Variants in MYLK observed in about 807,000 individuals in gnomAD.
The protein encoded by MYLK is myosin light chain kinase, also known as myosin light chain kinase, smooth muscle.
MYLK carries 106 observed loss-of-function variants against 203.4 expected under a neutral mutation model. That is an observed-to-expected ratio of 0.52 (90% CI 0.45 to 0.61). MYLK has a LOEUF of 0.61. Among genes scored for constraint, MYLK ranks in the 20% least tolerant of loss-of-function variants. The pLI is 0.00. For synonymous variants in MYLK, 867 were observed against 959.5 expected, an observed-to-expected ratio of 0.90 and a Z score of 1.78; for missense variants, 2,072 against 2,442.3, an observed-to-expected ratio of 0.85 and a Z score of 3.20.
chr3:123,809,849 G>C (rs990632416), intron 3 of MYLK, among the ~76,000 whole-genome samples: 1 of 152,142 alleles, frequency 6.6e-6, no homozygotes, highest in East Asian at 1.9e-4. Context: ...AGCCCTCTCA[G>C]CAAGGAAATT....
chr3:123,725,815 G>C, intron 12 of MYLK, 129 bp downstream of exon 12: 4 of 1,384,352 alleles, frequency 2.9e-6, no homozygotes, highest in Non-Finnish European at 4.0e-6. Context: ...CTCTCTTTGT[G>C]CCCTGTGCTT....
Position 123,611,926 on chromosome 3 carries a change from T to C in MYLK, c.*2179A>G. The stretch of plus-strand genomic sequence containing the variant: ...ACAGGAGGCAGAGCTCAGGCGGTAA[T>C]GCGAGCAATGGGGATCGGCTGTAAA... On this transcript the variant is annotated 3_prime_UTR_variant, in exon 34 of 34. Transcript: ENST00000360304. 6.6e-6 allele frequency: 1 copy of C among 152,510 alleles called. No homozygotes were observed. Among genetic ancestry groups the C allele is most frequent in the African/African-American group, 2.4e-5 (1 of 41,434 alleles). The allele number at this position is 152,510 out of a possible 1,614,324, so 9.4% of individuals were successfully genotyped here. A position where few individuals can be genotyped will look rare whatever the true frequency, so the allele number is the denominator to read the frequency against.
chr3:123,729,353 C>G (rs1253719351), intron 11 of MYLK, among the ~76,000 whole-genome samples: 1 of 152,172 alleles, frequency 6.6e-6, no homozygotes, highest in Non-Finnish European at 1.5e-5. Flanking sequence ...CCGCACATGA[C>G]AAATAATCCA....
intron 20 of MYLK, among the ~76,000 whole-genome samples, chr3:123,677,470 G>A (rs2060107059): frequency 6.6e-6 from 1 of 152,164 alleles, no homozygotes; most frequent in African/African-American, 2.4e-5. Context: ...GAGTCCGACA[G>A]GAGTATTTCT....
intron 4 of MYLK, among the ~76,000 whole-genome samples, chr3:123,792,079 C>T (rs2064803003): frequency 6.6e-6 from 1 of 152,200 alleles, no homozygotes; most frequent in East Asian, 1.9e-4. Context: ...GGCCAGTGCT[C>T]AGCAGATGCA....
At position 123,629,484 on chromosome 3, in the gene MYLK, T is replaced by C. The variant is rs764572695; in HGVS notation, c.5104A>G (p.Lys1702Glu). The C allele has an allele frequency of 6.2e-7, 1 of 1,614,162 alleles. No homozygotes were observed. The highest frequency in any genetic ancestry group is 1.1e-5 in the South Asian group (1 of 91,072). Residue 1702 changes from lysine to glutamate, a missense_variant, in exon 30 of 34, where the codon AAA (lysine) becomes GAA (glutamate). Physicochemically the swap from Lys to Glu is moderately conservative, Grantham distance 56. Around this residue, in one of 3 missense-constraint regions of MYLK, gnomAD observed 524 missense variants for 782.4 expected, o/e 0.67. Coordinates refer to ENST00000360304, the MANE Select transcript of MYLK (RefSeq NM_053025.4). The surrounding 1 kb of genome is among the most constrained non-coding windows in gnomAD (Gnocchi z 4.4). ...ATCCCAACTCATTACTTCATATCTT[T>C]CTTCAGCAGATTGCTGATGAAATCC... ...AKDFISNLLK[K>E]DMKNRLDCTQ...
intron 5 of MYLK, among the ~76,000 whole-genome samples, chr3:123,740,845 G>C (rs1238324973): frequency 6.6e-6 from 1 of 152,252 alleles, no homozygotes; most frequent in Admixed American, 6.5e-5. Context: ...TGGGTGAGCT[G>C]TTGCCGTGCT....
intron 27 of MYLK, chr3:123,644,653 G>T (rs1292697426): frequency 5.3e-5 from 8 of 152,150 alleles, no homozygotes; most frequent in Admixed American, 3.9e-4. Context: ...TTCTCCACAT[G>T]TCCTCACATG....
chr3:123,862,589 TC>T, intron 2 of MYLK, among the ~76,000 whole-genome samples: 1 of 152,188 alleles, frequency 6.6e-6, no homozygotes, highest in Non-Finnish European at 1.5e-5. Flanking sequence ...CTCTACTTAA[TC>T]TATTTATCTT....
At chr3:123,772,335 T>C (rs983768031) in intron 4 of MYLK, among the ~76,000 whole-genome samples, 3 of 152,122 alleles carry the variant, frequency 2.0e-5, no homozygotes, top group African/African-American at 7.2e-5. Flanking sequence ...AAGACTTTAG[T>C]ATACAGTAAA....
At chr3:123,827,682 G>T (rs2066166802) in intron 3 of MYLK, among the ~76,000 whole-genome samples, 2 of 73,432 alleles carry the variant, frequency 2.7e-5, no homozygotes, top group African/African-American at 9.6e-5. Context: ...GAAATGAAAA[G>T]ATGAAAAACA....
chr3:123,805,394 G>C (rs1246521604), intron 3 of MYLK, among the ~76,000 whole-genome samples: 1 of 152,172 alleles, frequency 6.6e-6, no homozygotes, highest in East Asian at 1.9e-4. Flanking sequence ...GGTGCACACG[G>C]AGGGAAGTGA....
chr3:123,692,303 C>A, intron 19 of MYLK: 1 of 1,139,730 alleles, frequency 8.8e-7, no homozygotes, highest in Non-Finnish European at 1.1e-6. Flanking sequence ...AAGTCTCCCA[C>A]ACGGACCTCG....
chr3:123,689,381 C>T (rs2060576298), intron 19 of MYLK, among the ~76,000 whole-genome samples: 1 of 152,198 alleles, frequency 6.6e-6, no homozygotes, highest in Non-Finnish European at 1.5e-5. Flanking sequence ...AGGACTGTTA[C>T]TCAGGGAGGT....
At chr3:123,866,730 C>G (rs1469433581) in intron 2 of MYLK, among the ~76,000 whole-genome samples, 1 of 152,102 alleles carries the variant, frequency 6.6e-6, no homozygotes, top group Non-Finnish European at 1.5e-5. Flanking sequence ...GCTGCTCACA[C>G]CTCGTCACCC....
In MYLK at chr3:123,618,650, C is replaced by G. The variant is rs1302244958; in HGVS notation, c.5489G>C (p.Cys1830Ser). The G allele has an allele frequency of 8.1e-6, 13 of 1,613,936 alleles. No homozygotes were observed. Among genetic ancestry groups the G allele is most frequent in the Non-Finnish European group, 1.0e-5 (12 of 1,179,966 alleles). The part of the protein sequence containing the change: ...VVEGSAARFD[C>S]KIEGYPDPEV... ...CAGCTACAACTTACCTTCAATCTTG[C>G]AGTCAAATCTAGCAGCACTTCCCTC... is the stretch of plus-strand genomic sequence containing the variant. Residue 1830 changes from cysteine (C) to serine (S), a missense_variant, in exon 33 of 34, where the codon TGC (cysteine) becomes TCC (serine). Around this residue, in one of 3 missense-constraint regions of MYLK, gnomAD observed 524 missense variants for 782.4 expected, o/e 0.67. Transcript: ENST00000360304.
intron 4 of MYLK, among the ~76,000 whole-genome samples, chr3:123,756,463 G>A (rs367797385): frequency 2.0e-4 from 30 of 152,270 alleles, no homozygotes; most frequent in African/African-American, 6.7e-4. Flanking sequence ...CACACTCTGG[G>A]CCTGGCTTGG....
intron 3 of MYLK, among the ~76,000 whole-genome samples, chr3:123,808,989 A>G (rs561587513): frequency 6.6e-6 from 1 of 152,320 alleles, no homozygotes; most frequent in African/African-American, 2.4e-5. Context: ...ATTGTTAGAG[A>G]TGCCACACGG....
intron 4 of MYLK, among the ~76,000 whole-genome samples, chr3:123,770,669 T>C (rs927230300): frequency 1.3e-5 from 2 of 152,210 alleles, no homozygotes; most frequent in Non-Finnish European, 2.9e-5. Flanking sequence ...AGATGTTTAT[T>C]GAAGGAACAT....
Sources: allele counts gnomAD v4.1 joint callset (sites outside exome capture counted in the v4.1 genomes callset), GRCh38; gene constraint gnomAD v4.1.1; regional missense constraint gnomAD v4.1.1; non-coding constraint Gnocchi (gnomAD v3.1); transcripts MANE v1.5; gene names NCBI Gene and HGNC (gene_info 2026-07-23, HGNC 2026-07-21).